CNTNAP2: variants seen among roughly 807,000 people sequenced by gnomAD.
CNTNAP2 encodes the protein contactin-associated protein-like 2.
CNTNAP2 carries 98 observed loss-of-function variants against 155.2 expected under a neutral mutation model. The ratio of observed to expected loss-of-function variants is 0.63; its 90% CI spans 0.54 to 0.75. CNTNAP2 has a LOEUF of 0.75. Ranked by LOEUF, CNTNAP2 falls within the 30% of genes least tolerant of loss-of-function variation. CNTNAP2 has a pLI of 0.00. For synonymous variants in CNTNAP2, 651 were observed against 631.2 expected (o/e 1.03, Z -0.47); for missense variants, 1,727 against 1,688.1 (o/e 1.02, Z -0.40).
At chr7:148,068,789 GT>G (rs1803318453) in intron 15 of CNTNAP2, among the ~76,000 whole-genome samples, 1 of 152,148 alleles carries the variant, frequency 6.6e-6, no homozygotes, top group Admixed American at 6.5e-5. Flanking sequence ...GTGTGAGTAG[GT>G]TGTTCCCTCA....
chr7:146,774,847 C>A (rs763562737), intron 2 of CNTNAP2, among the ~76,000 whole-genome samples: 2 of 152,066 alleles, frequency 1.3e-5, no homozygotes, highest in Non-Finnish European at 2.9e-5. Flanking sequence ...GAATGTAGCT[C>A]TATTATAAAA....
chr7:148,386,499 C>G (rs1799199336), intron 22 of CNTNAP2, among the ~76,000 whole-genome samples: 1 of 152,078 alleles, frequency 6.6e-6, no homozygotes, highest in Non-Finnish European at 1.5e-5. Flanking sequence ...CTGCAAGACT[C>G]TGTCTCAAAA....
chr7:147,272,664 A>ATTTTTTTTT (rs71182188), intron 8 of CNTNAP2, among the ~76,000 whole-genome samples: 14 of 138,912 alleles, frequency 1.0e-4, no homozygotes, highest in Non-Finnish European at 1.7e-4. Flanking sequence ...CGCCCGGCTA[A>ATTTTTTTTT]TTTTTTTTTT....
intron 10 of CNTNAP2, among the ~76,000 whole-genome samples, chr7:147,463,979 AAG>A (rs1491124453): frequency 1.3e-5 from 2 of 151,608 alleles, no homozygotes; most frequent in African/African-American, 4.8e-5. Context: ...AAAAAAAAAA[AAG>A]AGCTAGAGCC....
chr7:147,549,672 G>A (rs145850504), intron 11 of CNTNAP2, among the ~76,000 whole-genome samples: 3 of 152,150 alleles, frequency 2.0e-5, no homozygotes, highest in African/African-American at 7.2e-5. Flanking sequence ...GGCAAATCCT[G>A]CTGAGGTCTA....
Position 146,650,196 on chromosome 7 carries a change from T to C in CNTNAP2, c.98-124075T>C, listed in dbSNP as rs184866966. ...TTGACCCAGCAATCCCATTACTGGG[T>C]ATATACCCAAAGGATTATAAATCAT... is the stretch of plus-strand genomic sequence containing the variant. On this transcript the variant is annotated intron_variant, in intron 1 of 23. Transcript: ENST00000361727. Among the ~76,000 whole-genome samples, 989 of 152,242 alleles carry C rather than the reference T, an allele frequency of 6.5e-3. 8 individuals are homozygous for C. The highest frequency in any genetic ancestry group is 0.022 in the African/African-American group (920 of 41,556).
intron 13 of CNTNAP2, among the ~76,000 whole-genome samples, chr7:147,802,176 C>T (rs569836812): frequency 5.8e-4 from 83 of 141,898 alleles, no homozygotes; most frequent in Non-Finnish European, 1.0e-3. Flanking sequence ...ACATCCCAGA[C>T]GGGGCGGCGG....
intron 13 of CNTNAP2, among the ~76,000 whole-genome samples, chr7:147,692,814 C>T (rs1232234026): frequency 1.3e-5 from 2 of 152,028 alleles, no homozygotes; most frequent in Admixed American, 6.6e-5. Context: ...ATTCTCTTGA[C>T]ATGCTCCTTC....
chr7:148,369,181 CTTTTTTTTTTTTTT>C (rs376460265), intron 21 of CNTNAP2, among the ~76,000 whole-genome samples: 8 of 92,306 alleles, frequency 8.7e-5, no homozygotes, highest in South Asian at 5.1e-4. Context: ...AATTGAATCC[CTTTTTTTTTTTTTT>C]TTTTTTTTTT....
intron 1 of CNTNAP2, among the ~76,000 whole-genome samples, chr7:146,555,111 A>T (rs1798177860): frequency 1.3e-5 from 2 of 152,134 alleles, no homozygotes; most frequent in Non-Finnish European, 2.9e-5. Context: ...CTCAGCAGGC[A>T]TTGTGGAGTG....
At chr7:148,239,226 AC>A (rs1796100586) in intron 20 of CNTNAP2, among the ~76,000 whole-genome samples, 1 of 152,190 alleles carries the variant, frequency 6.6e-6, no homozygotes, top group Non-Finnish European at 1.5e-5. Flanking sequence ...AAGAACTTTT[AC>A]CTATTATAGC....
At chr7:147,773,094 C>T (rs73458234) in intron 13 of CNTNAP2, among the ~76,000 whole-genome samples, 2,635 of 152,224 alleles carry the variant, frequency 0.017, 50 homozygotes, top group African/African-American at 0.055. Context: ...TCTTCACCAC[C>T]CCATGCCTAG....
chr7:147,937,492 G>T (rs1563141139), intron 14 of CNTNAP2, among the ~76,000 whole-genome samples: 1 of 152,060 alleles, frequency 6.6e-6, no homozygotes, highest in African/African-American at 2.4e-5. Context: ...GTCTACTAAG[G>T]ATACTGCTCA....
At chr7:147,175,787 G>T (rs1180219775) in intron 8 of CNTNAP2, among the ~76,000 whole-genome samples, 1 of 152,088 alleles carries the variant, frequency 6.6e-6, no homozygotes, top group Non-Finnish European at 1.5e-5. Flanking sequence ...GTTCATCATG[G>T]TTCTCAGCAG....
chr7:147,447,956 A>G (rs1204282951), intron 10 of CNTNAP2, among the ~76,000 whole-genome samples: 11 of 152,118 alleles, frequency 7.2e-5, no homozygotes, highest in Admixed American at 3.9e-4. Flanking sequence ...AACATAAACA[A>G]TTTTTATAGG....
At chr7:148,031,715 T>C (rs961155888) in intron 15 of CNTNAP2, among the ~76,000 whole-genome samples, 3 of 152,116 alleles carry the variant, frequency 2.0e-5, no homozygotes, top group African/African-American at 4.8e-5. Flanking sequence ...TACGCTGAGA[T>C]TGCTGAGTGG....
intron 13 of CNTNAP2, among the ~76,000 whole-genome samples, chr7:147,784,031 G>A (rs1344084921): frequency 6.6e-6 from 1 of 152,104 alleles, no homozygotes; most frequent in African/African-American, 2.4e-5. Flanking sequence ...TTTGCTGGGA[G>A]CCCTTAGAGT....
chr7:147,199,206 C>A (rs913885642), intron 8 of CNTNAP2, among the ~76,000 whole-genome samples: 1 of 152,030 alleles, frequency 6.6e-6, no homozygotes, highest in Non-Finnish European at 1.5e-5. Context: ...AGGTAATGCA[C>A]CCGCCTTGGC....
At chr7:146,764,061 C>T (rs181480624) in intron 1 of CNTNAP2, among the ~76,000 whole-genome samples, 1 of 152,164 alleles carries the variant, frequency 6.6e-6, no homozygotes, top group African/African-American at 2.4e-5. Context: ...TGCTAACTTT[C>T]AGTTAACCAG....
Sources: gnomAD v4.1 joint callset for allele counts (sites outside exome capture counted in the v4.1 genomes callset) on GRCh38, gnomAD v4.1.1 for gene constraint, MANE v1.5 for transcripts, NCBI Gene and HGNC (gene_info 2026-07-23, HGNC 2026-07-21) for gene names.